ARB2A: variants seen among roughly 807,000 people sequenced by gnomAD.
The protein encoded by ARB2A is cotranscriptional regulator ARB2A.
At chr5:93,749,513 TG>T in the ARB2A span, among the ~76,000 whole-genome samples, 1 of 152,216 alleles carries the variant, frequency 6.6e-6, no homozygotes, top group Non-Finnish European at 1.5e-5. Flanking sequence ...TCTTACTATA[TG>T]CCAGGTACTG....
chr5:93,635,665 C>A, the ARB2A span, among the ~76,000 whole-genome samples: 2 of 152,002 alleles, frequency 1.3e-5, no homozygotes, highest in African/African-American at 4.8e-5. Flanking sequence ...GTCTCGAGCT[C>A]CTGACCTCAG....
At chr5:93,653,436 C>A in the ARB2A span, among the ~76,000 whole-genome samples, 1 of 131,222 alleles carries the variant, frequency 7.6e-6, no homozygotes, top group South Asian at 2.5e-4. Context: ...GGCATGAACC[C>A]GGGAGGCGGA....
At chr5:93,982,226 T>C in the ARB2A span, among the ~76,000 whole-genome samples, 4 of 152,182 alleles carry the variant, frequency 2.6e-5, no homozygotes, top group African/African-American at 9.7e-5. Context: ...GTTTCAGGGC[T>C]TCATCTGAGT....
the ARB2A span, among the ~76,000 whole-genome samples, chr5:93,623,245 T>C: frequency 9.5e-5 from 13 of 136,642 alleles, no homozygotes; most frequent in East Asian, 1.1e-3. Context: ...CACCCCCAAA[T>C]ACAATAAGCC....
At chr5:93,812,000 T>C in the ARB2A span, among the ~76,000 whole-genome samples, 1 of 152,104 alleles carries the variant, frequency 6.6e-6, no homozygotes, top group African/African-American at 2.4e-5. Flanking sequence ...CAGAATTCTA[T>C]GAGAGTGAGG....
chr5:93,759,634 A>G, the ARB2A span, among the ~76,000 whole-genome samples: 1 of 152,224 alleles, frequency 6.6e-6, no homozygotes, highest in African/African-American at 2.4e-5. Flanking sequence ...AAACAGAATT[A>G]AAAACAAAAA....
chr5:94,002,402 C>G, the ARB2A span, among the ~76,000 whole-genome samples: 2 of 151,968 alleles, frequency 1.3e-5, no homozygotes, highest in Non-Finnish European at 2.9e-5. Context: ...TTAACTCTTA[C>G]ACTTGTCTGC....
chr5:93,882,593 T>C, the ARB2A span, among the ~76,000 whole-genome samples: 27 of 151,304 alleles, frequency 1.8e-4, no homozygotes, highest in Non-Finnish European at 3.7e-4. Context: ...TTATGTCTAA[T>C]GGAATAAGCT....
At chr5:94,046,204 G>C in the ARB2A span, among the ~76,000 whole-genome samples, 1 of 34,920 alleles carries the variant, frequency 2.9e-5, no homozygotes, top group African/African-American at 8.3e-5. Context: ...TTCTGAGAGA[G>C]AGTTTAATTT....
chr5:93,826,191 C>A, the ARB2A span, among the ~76,000 whole-genome samples: 1 of 152,086 alleles, frequency 6.6e-6, no homozygotes, highest in Non-Finnish European at 1.5e-5. Context: ...TAATACTGAT[C>A]AAAAAGCAAA....
At chr5:93,629,300 G>C in the ARB2A span, among the ~76,000 whole-genome samples, 1 of 151,890 alleles carries the variant, frequency 6.6e-6, no homozygotes, top group African/African-American at 2.4e-5. Flanking sequence ...TAACATCAAA[G>C]ATCACATAAT....
the ARB2A span, among the ~76,000 whole-genome samples, chr5:93,875,305 G>C: frequency 0.81 from 123,446 of 151,918 alleles, 50,551 homozygotes; most frequent in East Asian, 0.95. Flanking sequence ...GATCTCGGCT[G>C]GCTGCAACCT....
chr5:93,733,021 A>G, the ARB2A span, among the ~76,000 whole-genome samples: 30 of 152,168 alleles, frequency 2.0e-4, no homozygotes, highest in Admixed American at 2.0e-3. Flanking sequence ...ACTTTCTATC[A>G]AAACTGTGGT....
At chr5:93,730,436 CA>C in the ARB2A span, among the ~76,000 whole-genome samples, 38 of 147,236 alleles carry the variant, frequency 2.6e-4, no homozygotes, top group South Asian at 2.2e-3. Context: ...AGACTGGTGC[CA>C]AAAAAAAATG....
chr5:93,888,423 A>G, the ARB2A span, among the ~76,000 whole-genome samples: 1 of 151,802 alleles, frequency 6.6e-6, no homozygotes, highest in Non-Finnish European at 1.5e-5. Context: ...GGAAATCGAA[A>G]AGATACCTCT....
chr5:93,843,874 T>C, the ARB2A span, among the ~76,000 whole-genome samples: 2 of 151,392 alleles, frequency 1.3e-5, no homozygotes, highest in East Asian at 3.9e-4. Flanking sequence ...ACAGAAAAAA[T>C]AGAAGGCAGG....
the ARB2A span, among the ~76,000 whole-genome samples, chr5:93,790,625 C>T: frequency 6.6e-6 from 1 of 152,170 alleles, no homozygotes. Flanking sequence ...CTACTTTCCT[C>T]CCACCAGTGA....
At chr5:93,852,470 T>G in the ARB2A span, among the ~76,000 whole-genome samples, 1 of 152,198 alleles carries the variant, frequency 6.6e-6, no homozygotes, top group Non-Finnish European at 1.5e-5. Flanking sequence ...TAGATCCCAT[T>G]TGTTAATTTT....
the ARB2A span, among the ~76,000 whole-genome samples, chr5:94,048,835 G>A: frequency 1.3e-5 from 2 of 152,154 alleles, no homozygotes; most frequent in Non-Finnish European, 2.9e-5. Flanking sequence ...CTCTGTCTTC[G>A]AAGCCTGTTT....
Sources: allele counts gnomAD v4.1 joint callset (sites outside exome capture counted in the v4.1 genomes callset), GRCh38; gene constraint gnomAD v4.1.1; transcripts MANE v1.5; gene names NCBI Gene and HGNC (gene_info 2026-07-23, HGNC 2026-07-21).